The following CELF2 variants were observed in gnomAD, a reference collection of about 807,000 sequenced individuals.
CELF2 encodes the protein CUGBP Elav-like family member 2.
Under a neutral mutation model 62.6 loss-of-function variants are expected in CELF2, and 8 were observed. The ratio of observed to expected loss-of-function variants is 0.13; its 90% CI spans 0.07 to 0.23. CELF2 has a LOEUF of 0.23. Ranked by LOEUF, CELF2 falls within the 10% of genes least tolerant of loss-of-function variation. The pLI is 1.00. For synonymous variants in CELF2, 258 were observed against 250.0 expected (o/e 1.03, Z -0.30); for missense variants, 333 against 671.0 (o/e 0.50, Z 5.56).
At chr10:10,567,912 T>G in the CELF2 span, among the ~76,000 whole-genome samples, 6 of 152,086 alleles carry the variant, frequency 3.9e-5, no homozygotes, top group African/African-American at 1.4e-4. Flanking sequence ...TCAACAGATA[T>G]TTACAAAACT....
chr10:10,806,271 C>G (rs1300141355), intron 1 of CELF2, among the ~76,000 whole-genome samples: 1 of 147,288 alleles, frequency 6.8e-6, no homozygotes, highest in Non-Finnish European at 1.5e-5. Context: ...GTGGCGTGAT[C>G]TTGGTTCACT....
At chr10:10,563,439 G>A in the CELF2 span, among the ~76,000 whole-genome samples, 154 of 152,000 alleles carry the variant, frequency 1.0e-3, no homozygotes, top group East Asian at 8.6e-3. Context: ...GGCAAAACCC[G>A]TCTCTACTAA....
At chr10:11,180,033 A>C (rs2072769401) in intron 2 of CELF2, among the ~76,000 whole-genome samples, 1 of 152,120 alleles carries the variant, frequency 6.6e-6, no homozygotes, top group Non-Finnish European at 1.5e-5. Flanking sequence ...TTCTAATGTG[A>C]GGTTCTGTTA....
upstream of CELF2, among the ~76,000 whole-genome samples, chr10:11,012,880 T>A (rs2056697832): frequency 1.3e-5 from 2 of 152,162 alleles, no homozygotes; most frequent in Non-Finnish European, 2.9e-5. This position sits in a 1 kb window ranked among gnomAD's most constrained non-coding sequence, Gnocchi z 5.5. Flanking sequence ...CAAAGGATTT[T>A]TTTTTTTCTG....
chr10:10,809,171 T>TTC (rs374259472), intron 1 of CELF2, among the ~76,000 whole-genome samples: 2 of 151,550 alleles, frequency 1.3e-5, no homozygotes, highest in Non-Finnish European at 2.9e-5. Context: ...TGCATACTCT[T>TTC]TCTCTCTCTC....
intron 2 of CELF2, among the ~76,000 whole-genome samples, chr10:10,953,054 T>C (rs2048493603): frequency 6.6e-6 from 1 of 152,192 alleles, no homozygotes; most frequent in South Asian, 2.1e-4. Context: ...GAAGATAAAA[T>C]GCAATGCTCA....
At chr10:10,833,379 T>C (rs1259677377) in intron 1 of CELF2, among the ~76,000 whole-genome samples, 1 of 152,186 alleles carries the variant, frequency 6.6e-6, no homozygotes, top group Non-Finnish European at 1.5e-5. Context: ...ATGCTGAAGG[T>C]GAACTCCTTT....
At chr10:10,517,513 A>G in the CELF2 span, among the ~76,000 whole-genome samples, 6 of 152,218 alleles carry the variant, frequency 3.9e-5, no homozygotes, top group Admixed American at 1.3e-4. Context: ...GGATGTTTTG[A>G]CATGTGCCTG....
At chr10:11,216,544 A>G (rs1430058464) in intron 2 of CELF2, among the ~76,000 whole-genome samples, 16 of 152,204 alleles carry the variant, frequency 1.1e-4, no homozygotes, top group Admixed American at 1.0e-3. Context: ...GTGCTGAGAA[A>G]CTATATTGCT....
chr10:10,762,255 G>A, the CELF2 span, among the ~76,000 whole-genome samples: 12 of 152,186 alleles, frequency 7.9e-5, no homozygotes, highest in Non-Finnish European at 1.2e-4. Flanking sequence ...CAGGAGAAGA[G>A]TTCTACAGGA....
chr10:11,023,426 A>G (rs1240365950), intron 1 of CELF2, among the ~76,000 whole-genome samples: 1 of 152,240 alleles, frequency 6.6e-6, no homozygotes, highest in Non-Finnish European at 1.5e-5. Flanking sequence ...GGAAACAAAA[A>G]CTAATTAGAG....
At chr10:11,209,006 G>A (rs148942107) in intron 2 of CELF2, among the ~76,000 whole-genome samples, 6 of 152,258 alleles carry the variant, frequency 3.9e-5, no homozygotes, top group Non-Finnish European at 7.4e-5. Flanking sequence ...GTTTAAAGGC[G>A]TAAAAGGCTG....
chr10:10,834,727 C>T (rs1228553207), intron 1 of CELF2, among the ~76,000 whole-genome samples: 1 of 152,208 alleles, frequency 6.6e-6, no homozygotes, highest in Non-Finnish European at 1.5e-5. Context: ...AAATCTTCAA[C>T]ATCCCACTTC....
At chr10:10,662,677 A>C in the CELF2 span, among the ~76,000 whole-genome samples, 16 of 149,302 alleles carry the variant, frequency 1.1e-4, no homozygotes, top group African/African-American at 4.0e-4. Flanking sequence ...CTTTAAGGAA[A>C]ATTTTAATGC....
intron 1 of CELF2, among the ~76,000 whole-genome samples, chr10:10,866,727 T>G (rs2060397168): frequency 1.3e-5 from 2 of 149,750 alleles, no homozygotes; most frequent in Non-Finnish European, 3.0e-5. Context: ...GAGGCCAAAG[T>G]GGGCAGATCA....
the CELF2 span, among the ~76,000 whole-genome samples, chr10:10,688,829 G>C: frequency 1.1e-4 from 16 of 145,902 alleles, no homozygotes; most frequent in African/African-American, 4.0e-4. Flanking sequence ...ACAAAACTCT[G>C]TGTATACCAA....
chr10:10,632,715 G>A, the CELF2 span, among the ~76,000 whole-genome samples: 1 of 152,126 alleles, frequency 6.6e-6, no homozygotes, highest in Non-Finnish European at 1.5e-5. Flanking sequence ...TTTAGTAGAT[G>A]ATAAAAACAC....
intron 8 of CELF2, among the ~76,000 whole-genome samples, chr10:11,284,655 G>A (rs1376325122): frequency 6.6e-6 from 1 of 150,536 alleles, no homozygotes; most frequent in Admixed American, 6.6e-5. Context: ...ATGGATGGGT[G>A]TGCTGATGAA....
the CELF2 span, among the ~76,000 whole-genome samples, chr10:10,545,281 A>G: frequency 6.6e-6 from 1 of 152,152 alleles, no homozygotes; most frequent in Non-Finnish European, 1.5e-5. Context: ...GTGTGCTGGT[A>G]TGTTGTCAGG....
Sources: gnomAD v4.1 joint callset for allele counts (sites outside exome capture counted in the v4.1 genomes callset) on GRCh38, gnomAD v4.1.1 for gene constraint, Gnocchi (gnomAD v3.1) non-coding constraint, MANE v1.5 for transcripts, NCBI Gene and HGNC (gene_info 2026-07-23, HGNC 2026-07-21) for gene names.